The following STK26 variants were observed in gnomAD, a reference collection of about 807,000 sequenced individuals.
STK26 encodes the protein serine/threonine-protein kinase 26.
Under a neutral mutation model 34.7 loss-of-function variants are expected in STK26, and 14 were observed. The ratio of observed to expected loss-of-function variants is 0.40; its 90% CI spans 0.27 to 0.63. The LOEUF is 0.63. Among genes scored for constraint, STK26 ranks in the 30% least tolerant of loss-of-function variants. The pLI, the probability that STK26 is intolerant of heterozygous loss-of-function variation, is 0.38. For missense variants in STK26, 226 were observed against 309.1 expected, an observed-to-expected ratio of 0.73 and a Z score of 2.02; for synonymous variants, 100 against 109.8, an observed-to-expected ratio of 0.91 and a Z score of 0.56.
At position 132,075,824 on chromosome X, in the gene STK26, A is replaced by T. The variant is rs1190757651; in HGVS notation, c.*1665A>T. 8.9e-6 allele frequency: 1 copy of T among 112,167 alleles called. No individual in the cohort carries two copies. The highest frequency in any genetic ancestry group is 1.9e-5 in the Non-Finnish European group (1 of 53,101). The allele number at this position is 112,167 out of a possible 1,213,427, so 9.2% of individuals were successfully genotyped here. On this transcript the variant is annotated 3_prime_UTR_variant, in exon 12 of 12. Transcript: ENST00000394334. The stretch of plus-strand genomic sequence containing the variant: ...ATTTGAAACTTTACAACACAATTGC[A>T]TCCCAAATACAAATTGTATTGCTTA...
intron 2 of STK26, among the ~76,000 whole-genome samples, chrX:132,039,210 G>C (rs1397054008): frequency 9.0e-6 from 1 of 111,073 alleles, no homozygotes; most frequent in Non-Finnish European, 1.9e-5. Flanking sequence ...TACAATATAG[G>C]TGTGATCTTG....
At chrX:132,029,687 T>A (rs1163714676) in intron 2 of STK26, among the ~76,000 whole-genome samples, 1 of 111,072 alleles carries the variant, frequency 9.0e-6, no homozygotes, top group Non-Finnish European at 1.9e-5. Context: ...ACCATGCCAG[T>A]CACAGTTCAA....
intron 2 of STK26, among the ~76,000 whole-genome samples, chrX:132,048,478 C>T (rs1422125752): frequency 8.9e-6 from 1 of 111,772 alleles, no homozygotes; most frequent in African/African-American, 3.3e-5. Flanking sequence ...GAACCTTAGA[C>T]ATAACAGTCA....
chrX:132,035,129 C>CA (rs746567783), intron 2 of STK26, among the ~76,000 whole-genome samples: 1 of 111,103 alleles, frequency 9.0e-6, no homozygotes, highest in Non-Finnish European at 1.9e-5. Flanking sequence ...CAATCAGTAA[C>CA]ACGTTTGTTG....
At chrX:132,070,374 A>T (rs891197488) in intron 7 of STK26, among the ~76,000 whole-genome samples, 3 of 111,973 alleles carry the variant, frequency 2.7e-5, no homozygotes, top group Non-Finnish European at 5.6e-5. Context: ...CTTCAATGTG[A>T]AGTTGTATAC....
chrX:132,055,654 A>T, intron 3 of STK26: 1 of 525,046 alleles, frequency 1.9e-6, no homozygotes, highest in Non-Finnish European at 3.0e-6. Context: ...AATCATTTTA[A>T]AATTAAAATT....
chrX:132,038,567 C>CT (rs748796113), intron 2 of STK26, among the ~76,000 whole-genome samples: 6 of 108,440 alleles, frequency 5.5e-5, no homozygotes, highest in East Asian at 2.9e-4. Context: ...TTTGGGTGGC[C>CT]TTTTTTTTTC....
chrX:132,041,027 AT>A (rs1926245686), intron 2 of STK26, among the ~76,000 whole-genome samples: 1 of 111,433 alleles, frequency 9.0e-6, no homozygotes, highest in Non-Finnish European at 1.9e-5. Flanking sequence ...TTCTATCAGT[AT>A]TTTTTTTCCG....
At chrX:132,024,081 G>A (rs917825839) in intron 2 of STK26, among the ~76,000 whole-genome samples, 11 of 111,267 alleles carry the variant, frequency 9.9e-5, no homozygotes, top group African/African-American at 3.6e-4. Flanking sequence ...TCAAGTTGGG[G>A]CGGGGCAACA....
intron 3 of STK26, among the ~76,000 whole-genome samples, chrX:132,058,254 ATGTGTGTGTG>A (rs754196913): frequency 9.7e-6 from 1 of 103,040 alleles, no homozygotes; most frequent in Non-Finnish European, 2.0e-5. Context: ...GTGTGTGTGT[ATGTGTGTGTG>A]TGTGTGTGTG....
At chrX:132,034,853 T>C (rs1354558058) in intron 2 of STK26, among the ~76,000 whole-genome samples, 2 of 110,305 alleles carry the variant, frequency 1.8e-5, no homozygotes, top group Non-Finnish European at 1.9e-5. Flanking sequence ...TACTAAACCT[T>C]AGTCCCAGAG....
Position 132,023,591 on chromosome X carries a change from A to C in STK26, c.-27A>C. ...CGAACCCAAGGCGCCACCGCCGCAG[A>C]AGCGGAGCGAGGCAGCATTCGCCTC... On this transcript the variant is annotated 5_prime_UTR_variant, in exon 2 of 12. Coordinates refer to ENST00000394334, the MANE Select transcript of STK26 (RefSeq NM_016542.4). 8.6e-7 allele frequency: 1 copy of C among 1,169,348 alleles called. No individual in the cohort carries two copies. Among genetic ancestry groups the C allele is most frequent in the Non-Finnish European group, 1.1e-6 (1 of 873,896 alleles).
chrX:132,066,356 C>T (rs1927221364), intron 4 of STK26, among the ~76,000 whole-genome samples: 1 of 111,938 alleles, frequency 8.9e-6, no homozygotes, highest in South Asian at 3.7e-4. Flanking sequence ...TAGCAGACTG[C>T]ATTAGGGACT....
At chrX:132,055,605 A>T in intron 3 of STK26, 1 of 788,346 alleles carries the variant, frequency 1.3e-6, no homozygotes, top group Non-Finnish European at 1.8e-6. Flanking sequence ...AAATAGTTGA[A>T]GAAAAGCCCC....
At chrX:132,034,563 G>A (rs5930537) in intron 2 of STK26, among the ~76,000 whole-genome samples, 36,960 of 109,709 alleles carry the variant, frequency 0.34, 4,895 homozygotes, top group African/African-American at 0.42. Context: ...CAAAGTGCTG[G>A]GATTACAGGC....
intron 2 of STK26, among the ~76,000 whole-genome samples, chrX:132,053,289 A>G (rs1350239425): frequency 9.0e-6 from 1 of 111,611 alleles, no homozygotes; most frequent in Non-Finnish European, 1.9e-5. Context: ...AAATCCAATC[A>G]GAGAGAATGG....
At chrX:132,034,930 C>T (rs765266804) in intron 2 of STK26, among the ~76,000 whole-genome samples, 36 of 110,703 alleles carry the variant, frequency 3.3e-4, no homozygotes, top group Non-Finnish European at 6.0e-4. Flanking sequence ...TCAGCTGCTC[C>T]GCCAATTTGG....
chrX:132,044,838 TCTATATATATATTTATATATATAG>T, intron 2 of STK26, among the ~76,000 whole-genome samples: 1 of 84,559 alleles, frequency 1.2e-5, no homozygotes, highest in Admixed American at 1.4e-4. Context: ...TAGAGAGAGA[TCTATATATATATTTATATATATAG>T]AGAGAAACGT....
intron 2 of STK26, among the ~76,000 whole-genome samples, chrX:132,038,339 G>A (rs990982527): frequency 4.5e-5 from 5 of 111,689 alleles, no homozygotes; most frequent in Admixed American, 9.5e-5. Flanking sequence ...TTCTTGTTGC[G>A]TGTGAGTTTT....
Sources: allele counts gnomAD v4.1 joint callset (sites outside exome capture counted in the v4.1 genomes callset), GRCh38; gene constraint gnomAD v4.1.1; transcripts MANE v1.5; gene names NCBI Gene and HGNC (gene_info 2026-07-23, HGNC 2026-07-21).